Variants in MLANA observed in about 807,000 individuals in gnomAD.
MLANA encodes the protein melanoma antigen recognized by T-cells 1.
MLANA carries 21 observed loss-of-function variants against 15.7 expected under a neutral mutation model. That is an observed-to-expected ratio of 1.33 (90% CI 0.95 to 1.92). The LOEUF is 1.92. Among genes scored for constraint, MLANA ranks in the 40% most tolerant of loss-of-function variants. The probability of loss-of-function intolerance (pLI) is 0.00; values close to 1 mark genes in which losing one functional copy is unlikely to be tolerated. For synonymous variants in MLANA, 56 were observed against 51.5 expected, an observed-to-expected ratio of 1.09 and a Z score of -0.37; for missense variants, 164 against 143.8, an observed-to-expected ratio of 1.14 and a Z score of -0.72.
At chr9:5,902,155 GA>G (rs1832470407) in intron 3 of MLANA, among the ~76,000 whole-genome samples, 1 of 152,112 alleles carries the variant, frequency 6.6e-6, no homozygotes, top group African/African-American at 2.4e-5. Flanking sequence ...TTCTGTTTTG[GA>G]AAGTTATTAT....
intron 2 of MLANA, among the ~76,000 whole-genome samples, chr9:5,895,095 A>G (rs1463411826): frequency 2.0e-5 from 3 of 152,182 alleles, no homozygotes; most frequent in African/African-American, 4.8e-5. Context: ...CGTGGGAGCT[A>G]TCCTTTAAAG....
chr9:5,906,700 G>A lies in MLANA; in HGVS notation c.175-185G>A, dbSNP rs572584422. 3.3e-5 allele frequency among the ~76,000 whole-genome samples: 5 copies of A among 152,338 alleles called. No homozygotes were observed. In the South Asian group the frequency reaches 1.0e-3, roughly 32 times the overall value. ...CCACAGCAATTCTGAGAGGTAGGTA[G>A]GTATTATATTCCTAGATGCAAACTC... On this transcript the variant is annotated intron_variant, in intron 3 of 4. Transcript: ENST00000381477.
In MLANA at chr9:5,910,282, C is replaced by T. The variant is rs1833085510; in HGVS notation, c.*1574C>T. ...CAGAAACACTAGTGTAACATAACTGCATCATTTTCTACTAAAGACAAAATT... is the reference window on the plus strand; with the variant it reads ...CAGAAACACTAGTGTAACATAACTGTATCATTTTCTACTAAAGACAAAATT... On this transcript the variant is annotated 3_prime_UTR_variant, in exon 5 of 5. Coordinates refer to ENST00000381477, the MANE Select transcript of MLANA (RefSeq NM_005511.2). 1 of 152,122 alleles carries T rather than the reference C, an allele frequency of 6.6e-6. No homozygotes were observed. 9.4% of individuals were successfully genotyped at this position (152,122 alleles called of 1,614,324 possible).
intron 4 of MLANA, among the ~76,000 whole-genome samples, chr9:5,908,164 C>T (rs1256912189): frequency 2.0e-5 from 3 of 152,092 alleles, no homozygotes; most frequent in Non-Finnish European, 4.4e-5. Context: ...CATTCTGTAA[C>T]ATGAAAATAA....
At chr9:5,893,861 G>T (rs2150702) in intron 2 of MLANA, among the ~76,000 whole-genome samples, 10,961 of 151,770 alleles carry the variant, frequency 0.072, 929 homozygotes, top group East Asian at 0.2. Flanking sequence ...GGCTAGGACC[G>T]TTCCTTTCAA....
intron 3 of MLANA, among the ~76,000 whole-genome samples, chr9:5,902,339 G>A (rs1406409426): frequency 1.3e-5 from 2 of 152,106 alleles, no homozygotes; most frequent in East Asian, 3.9e-4. Flanking sequence ...TATTATTTCT[G>A]ATAATAGTAG....
chr9:5,908,046 G>A (rs1832930661), intron 4 of MLANA, among the ~76,000 whole-genome samples: 1 of 152,230 alleles, frequency 6.6e-6, no homozygotes, highest in Admixed American at 6.5e-5. Flanking sequence ...CATAATGGTT[G>A]AGAGCACTGA....
At position 5,908,713 on chromosome 9, in the gene MLANA, C is replaced by A. The variant is rs1832975500; in HGVS notation, c.*5C>A. 2.5e-6 allele frequency: 4 copies of A among 1,612,180 alleles called. No individual in the cohort carries two copies. Among genetic ancestry groups the A allele is most frequent in the Non-Finnish European group, 3.4e-6 (4 of 1,178,454 alleles). ...CCACCACCTTATTCACCTTAAGAGCCAGCGAGACACCTGAGACATGCTGAA... is the reference window on the plus strand; with the variant it reads ...CCACCACCTTATTCACCTTAAGAGCAAGCGAGACACCTGAGACATGCTGAA... On this transcript the variant is annotated 3_prime_UTR_variant, in exon 5 of 5. Coordinates refer to ENST00000381477, the MANE Select transcript of MLANA (RefSeq NM_005511.2).
intron 3 of MLANA, among the ~76,000 whole-genome samples, chr9:5,901,179 AT>A (rs981036751): frequency 9.9e-5 from 15 of 151,066 alleles, no homozygotes; most frequent in African/African-American, 1.9e-4. Flanking sequence ...GGGCAGTTTT[AT>A]TTTTTTTTCC....
intron 4 of MLANA, among the ~76,000 whole-genome samples, chr9:5,907,982 T>G (rs1428207544): frequency 6.6e-6 from 1 of 152,010 alleles, no homozygotes; most frequent in Non-Finnish European, 1.5e-5. Flanking sequence ...TAAAATTACA[T>G]AAGTGGCTTG....
intron 3 of MLANA, among the ~76,000 whole-genome samples, chr9:5,903,526 G>T (rs1442158586): frequency 1.3e-5 from 2 of 152,164 alleles, no homozygotes; most frequent in African/African-American, 4.8e-5. Flanking sequence ...CTCATACAAT[G>T]AGTTAGTCCT....
chr9:5,906,812 G>T (rs903823017), intron 3 of MLANA, 73 bp from the exon 4 acceptor site: 8 of 955,752 alleles, frequency 8.4e-6, no homozygotes, highest in Non-Finnish European at 1.2e-5. Flanking sequence ...TAAAACTTTG[G>T]CTTCCTTCTC....
intron 3 of MLANA, chr9:5,899,125 T>A (rs1250166588): frequency 6.6e-6 from 1 of 152,196 alleles, no homozygotes; most frequent in African/African-American, 2.4e-5. Flanking sequence ...GATCTCGCTG[T>A]CTCTCTTTCT....
At chr9:5,896,120 C>T (rs750101768) in intron 2 of MLANA, among the ~76,000 whole-genome samples, 4 of 152,194 alleles carry the variant, frequency 2.6e-5, no homozygotes, top group Admixed American at 6.5e-5. Context: ...CTTGGTCTCC[C>T]GTTCCAGTTG....
chr9:5,891,955 G>C (rs1174825429), intron 1 of MLANA, among the ~76,000 whole-genome samples: 1 of 152,180 alleles, frequency 6.6e-6, no homozygotes, highest in Non-Finnish European at 1.5e-5. Context: ...CACAGGCAAC[G>C]GGTGCTCTGG....
rs1832858600 is a variant in MLANA, at chr9:5,907,009, A to G, written c.288+11A>G. 6.5e-7 allele frequency: 1 copy of G among 1,536,206 alleles called. No individual in the cohort carries two copies. The highest frequency in any genetic ancestry group is 1.4e-5 in the African/African-American group (1 of 71,420). ...AACTGTGAACCTGTGGTAGGTTAAG[A>G]TCCTTCATAAGGGTATTTTCATGAA... On this transcript the variant is annotated intron_variant, in intron 4 of 4. Coordinates refer to ENST00000381477, the MANE Select transcript of MLANA (RefSeq NM_005511.2).
intron 2 of MLANA, 38 bp from the exon 3 acceptor site, chr9:5,897,519 T>C: frequency 6.4e-7 from 1 of 1,557,248 alleles, no homozygotes; most frequent in Non-Finnish European, 8.9e-7. Flanking sequence ...AGAACAATGT[T>C]TCAATGACAA....
At chr9:5,898,532 T>C (rs1291528930) in intron 3 of MLANA, among the ~76,000 whole-genome samples, 13 of 152,178 alleles carry the variant, frequency 8.5e-5, no homozygotes. Context: ...ACATTCAAAC[T>C]ATAGCACCTG....
chr9:5,895,339 T>A (rs1831942646), intron 2 of MLANA, among the ~76,000 whole-genome samples: 1 of 152,024 alleles, frequency 6.6e-6, no homozygotes, highest in African/African-American at 2.4e-5. Context: ...CCATTGCTGT[T>A]TGTTTAAATA....
Sources: gnomAD v4.1 joint callset for allele counts (sites outside exome capture counted in the v4.1 genomes callset) on GRCh38, gnomAD v4.1.1 for gene constraint, MANE v1.5 for transcripts, NCBI Gene and HGNC (gene_info 2026-07-23, HGNC 2026-07-21) for gene names.